The following HEBP1 variants were observed in gnomAD, a reference collection of about 807,000 sequenced individuals.
HEBP1 encodes the protein heme-binding protein 1.
In HEBP1, 13 loss-of-function variants were observed where a neutral mutation model predicts 20.4. The ratio of observed to expected loss-of-function variants is 0.64; its 90% CI spans 0.42 to 1.01. The LOEUF (loss-of-function observed/expected upper bound fraction) is 1.01, where lower values mean the gene tolerates loss of function less well. Ranked by LOEUF, HEBP1 falls within the 50% of genes least tolerant of loss-of-function variation. The probability of loss-of-function intolerance (pLI) is 0.00; values close to 1 mark genes in which losing one functional copy is unlikely to be tolerated. For synonymous variants in HEBP1, 92 were observed against 90.7 expected (o/e 1.01, Z -0.08); for missense variants, 241 against 247.3 (o/e 0.97, Z 0.17).
chr12:12,994,219 C>T (rs1864264707), intron 1 of HEBP1, among the ~76,000 whole-genome samples: 1 of 152,106 alleles, frequency 6.6e-6, no homozygotes, highest in Admixed American at 6.5e-5. Flanking sequence ...ACTGTGAGTA[C>T]AAATATTACA....
In HEBP1 at chr12:12,998,468, C is replaced by T. The variant is rs1305924067; in HGVS notation, c.78+1569G>A. 6.6e-6 allele frequency among the ~76,000 whole-genome samples: 1 copy of T among 152,146 alleles called. No individual in the cohort carries two copies. The highest frequency in any genetic ancestry group is 1.5e-5 in the Non-Finnish European group (1 of 68,028). On this transcript the variant is annotated intron_variant, in intron 1 of 3. Coordinates refer to ENST00000014930, the MANE Select transcript of HEBP1 (RefSeq NM_015987.5). The surrounding 1 kb of genome is among the most constrained non-coding windows in gnomAD (Gnocchi z 4.2). ...GACCTGAGTTCACTCTCTGATTTGC[C>T]TCAGTCCCCACTATGCCTTATAGCC...
chr12:12,987,177 G>A lies in HEBP1; in HGVS notation c.373C>T (p.Arg125Trp), dbSNP rs181284736. The change falls in exon 3 of 4, where the codon CGG (arginine) becomes TGG (tryptophan). Residue 125 changes from arginine to tryptophan, a missense_variant. Physicochemically the swap from Arg to Trp is moderately radical, Grantham distance 101. Transcript: ENST00000014930. ...ATGGAATAGACAGTGATGCCTTCCC[G>A]TTCCTCAATCTTAACGCTTTTGTCA... ...PSDKSVKIEE[R>W]EGITVYSMQF... The A allele has an allele frequency of 2.5e-5, 40 of 1,614,022 alleles. 1 individual carries two copies. Among genetic ancestry groups the A allele is most frequent in the East Asian group, 2.0e-4 (9 of 44,880 alleles).
In HEBP1 at chr12:12,983,841, G is replaced by A. The variant is rs928214973; in HGVS notation, c.398+3311C>T. 7 of 452,342 alleles carry A rather than the reference G, an allele frequency of 1.5e-5. No homozygotes were observed. The Admixed American group carries it at 1.7e-4, about 11-fold the overall frequency. 28.0% of individuals were successfully genotyped at this position (452,342 alleles called of 1,614,324 possible). A position where few individuals can be genotyped will look rare whatever the true frequency, so the allele number is the denominator to read the frequency against. ...GAAACCAGCGTTCCTTAGAGAAATG[G>A]CTAATTCTAGCTCTAGGGCAAGAAA... On this transcript the variant is annotated intron_variant, in intron 3 of 3. Transcript: ENST00000014930.
intron 1 of HEBP1, among the ~76,000 whole-genome samples, chr12:12,997,033 A>G (rs1281771005): frequency 6.6e-6 from 1 of 152,224 alleles, no homozygotes; most frequent in South Asian, 2.1e-4. Flanking sequence ...AAATGTTTTC[A>G]TGGTTTTAAA....
At chr12:12,977,268 G>A (rs1864002165) in intron 3 of HEBP1, among the ~76,000 whole-genome samples, 2 of 152,224 alleles carry the variant, frequency 1.3e-5, no homozygotes, top group South Asian at 4.1e-4. Context: ...AAGATTAAAG[G>A]AGAAAAGACT....
At chr12:12,989,238 G>A (rs1288430780) in intron 2 of HEBP1, 39 bp downstream of exon 2, 2 of 1,609,922 alleles carry the variant, frequency 1.2e-6, no homozygotes, top group Non-Finnish European at 8.5e-7. Context: ...TGCAAAGCTG[G>A]TCCCCGAGAC....
Position 12,975,457 on chromosome 12 carries a change from C to T in HEBP1, c.421G>A (p.Glu141Lys). ...YSMQFGGYAKEADYVAQATRL... is the reference protein window; with the variant it reads ...YSMQFGGYAKKADYVAQATRL... ...GTGGCTTGTGCTACGTAGTCTGCTTCCTTGGCATAACCACCAAACTGCCTG... is the reference window on the plus strand; with the variant it reads ...GTGGCTTGTGCTACGTAGTCTGCTTTCTTGGCATAACCACCAAACTGCCTG... Residue 141 changes from glutamate to lysine, a missense_variant, in exon 4 of 4, where the codon GAA becomes AAA. Glu to Lys is a moderately conservative substitution (Grantham distance 56). Coordinates refer to ENST00000014930, the MANE Select transcript of HEBP1 (RefSeq NM_015987.5). 6.2e-7 allele frequency: 1 copy of T among 1,609,198 alleles called. No homozygotes were observed. The highest frequency in any genetic ancestry group is 8.5e-7 in the Non-Finnish European group (1 of 1,178,090).
At chr12:12,981,208 G>A (rs563825746) in intron 3 of HEBP1, among the ~76,000 whole-genome samples, 147 of 152,132 alleles carry the variant, frequency 9.7e-4, no homozygotes, top group Non-Finnish European at 1.9e-3. Flanking sequence ...GAGGAGGGAG[G>A]GGACCATCAC....
intron 2 of HEBP1, 123 bp downstream of exon 2, chr12:12,989,154 C>T (rs2136546594): frequency 2.0e-6 from 2 of 1,021,112 alleles, no homozygotes; most frequent in Admixed American, 1.9e-5. Flanking sequence ...AGGAGGTTCA[C>T]AGGTCATTGA....
intron 1 of HEBP1, among the ~76,000 whole-genome samples, chr12:12,994,350 A>T (rs189797679): frequency 2.1e-4 from 32 of 152,338 alleles, no homozygotes; most frequent in African/African-American, 7.7e-4. Flanking sequence ...CCATTAGTCC[A>T]GTGATGGTGA....
At chr12:12,990,848 C>T (rs1321455531) in intron 1 of HEBP1, among the ~76,000 whole-genome samples, 1 of 152,156 alleles carries the variant, frequency 6.6e-6, no homozygotes, top group African/African-American at 2.4e-5. Flanking sequence ...ATTTTCCAGA[C>T]CCTGTACTCG....
intron 3 of HEBP1, among the ~76,000 whole-genome samples, chr12:12,985,023 C>CA (rs1227754171): frequency 2.0e-5 from 3 of 151,932 alleles, no homozygotes; most frequent in Non-Finnish European, 4.4e-5. Flanking sequence ...TGGCAGGTTC[C>CA]TGTACTCCCA....
At chr12:12,988,412 A>C (rs557641190) in intron 2 of HEBP1, among the ~76,000 whole-genome samples, 1 of 152,182 alleles carries the variant, frequency 6.6e-6, no homozygotes, top group Non-Finnish European at 1.5e-5. Context: ...CTTTAGTCCT[A>C]GTAAATTTTT....
intron 3 of HEBP1, among the ~76,000 whole-genome samples, chr12:12,978,199 G>GTTTTTTTTT (rs76634642): frequency 1.3e-5 from 1 of 75,056 alleles, no homozygotes; most frequent in African/African-American, 5.5e-5. Flanking sequence ...CTACGAAAGG[G>GTTTTTTTTT]TTTTTTTTTT....
intron 1 of HEBP1, among the ~76,000 whole-genome samples, chr12:12,995,807 G>T (rs562895297): frequency 4.0e-4 from 61 of 152,286 alleles, no homozygotes; most frequent in African/African-American, 1.4e-3. Context: ...CACAATAGTA[G>T]CCCTCCTTCA....
At position 12,996,935 on chromosome 12, in the gene HEBP1, G is replaced by T. The variant is rs1565495176; in HGVS notation, c.78+3102C>A. ...AGCTTCAGAGGGGCTAAGTTGGCCT[G>T]TGACCACACAGCTAGAAAGAATGAA... On this transcript the variant is annotated intron_variant, in intron 1 of 3. Coordinates refer to ENST00000014930, the MANE Select transcript of HEBP1 (RefSeq NM_015987.5). This position sits in a 1 kb window ranked among gnomAD's most constrained non-coding sequence, Gnocchi z 4.1. Among the ~76,000 whole-genome samples, 1 of 152,196 alleles carries T rather than the reference G, an allele frequency of 6.6e-6. No individual in the cohort carries two copies. Among genetic ancestry groups the T allele is most frequent in the Non-Finnish European group, 1.5e-5 (1 of 68,032 alleles).
chr12:12,992,604 A>G (rs1414222963), intron 1 of HEBP1, among the ~76,000 whole-genome samples: 1 of 152,232 alleles, frequency 6.6e-6, no homozygotes, highest in African/African-American at 2.4e-5. Context: ...TGAGGCAGCA[A>G]GTCAGCCTTG....
intron 1 of HEBP1, among the ~76,000 whole-genome samples, chr12:12,994,368 G>GCAAGCCAGTTCATCTAT (rs1864266834): frequency 6.6e-6 from 1 of 152,196 alleles, no homozygotes; most frequent in Non-Finnish European, 1.5e-5. Context: ...TGATTTGATA[G>GCAAGCCAGTTCATCTAT]CAAGCCAGTT....
At chr12:12,995,369 T>C (rs1207654948) in intron 1 of HEBP1, among the ~76,000 whole-genome samples, 1 of 152,194 alleles carries the variant, frequency 6.6e-6, no homozygotes, top group Non-Finnish European at 1.5e-5. Flanking sequence ...TACCTAGATG[T>C]ACCACGCCTT....
Sources: allele counts gnomAD v4.1 joint callset (sites outside exome capture counted in the v4.1 genomes callset), GRCh38; gene constraint gnomAD v4.1.1; non-coding constraint Gnocchi (gnomAD v3.1); transcripts MANE v1.5; gene names NCBI Gene and HGNC (gene_info 2026-07-23, HGNC 2026-07-21).